The following CCDC146 variants were observed in gnomAD, a reference collection of about 807,000 sequenced individuals.
CCDC146 encodes coiled-coil domain containing 146.
A neutral mutation model predicts 119.3 loss-of-function variants in CCDC146; 92 were observed. The observed-to-expected ratio is 0.77, with a 90% CI of 0.65 to 0.92. The LOEUF (loss-of-function observed/expected upper bound fraction) is 0.92, where lower values mean the gene tolerates loss of function less well. CCDC146 is among the 40% of genes least tolerant of loss of function. The probability of loss-of-function intolerance (pLI) is 0.00; values close to 1 mark genes in which losing one functional copy is unlikely to be tolerated. For missense variants in CCDC146, 1,000 were observed against 1,103.0 expected, an observed-to-expected ratio of 0.91 and a Z score of 1.32; for synonymous variants, 372 against 371.8, an observed-to-expected ratio of 1.00 and a Z score of -0.01.
chr7:77,225,468 G>A (rs1450044826), intron 2 of CCDC146, among the ~76,000 whole-genome samples: 23 of 151,790 alleles, frequency 1.5e-4, no homozygotes, highest in Non-Finnish European at 2.2e-4. Flanking sequence ...CAGGAGTATC[G>A]CTTGAGCCAC....
intron 17 of CCDC146, among the ~76,000 whole-genome samples, chr7:77,292,672 A>T (rs907754171): frequency 1.3e-5 from 2 of 151,944 alleles, no homozygotes; most frequent in African/African-American, 4.8e-5. Context: ...CCTCTTAAAA[A>T]TGGGCACTAA....
At chr7:77,257,577 G>C (rs983000105) in intron 6 of CCDC146, among the ~76,000 whole-genome samples, 6 of 152,144 alleles carry the variant, frequency 3.9e-5, no homozygotes, top group African/African-American at 1.4e-4. Context: ...GTTAGCATTT[G>C]TAATTGTTTA....
At chr7:77,199,892 G>A in intron 2 of CCDC146, 1 of 1,410,500 alleles carries the variant, frequency 7.1e-7, no homozygotes, top group Non-Finnish European at 9.5e-7. Context: ...CCCAGGAAAG[G>A]GTGGGAGCGT....
At chr7:77,163,494 C>G (rs1310270642) in intron 1 of CCDC146, among the ~76,000 whole-genome samples, 1 of 151,898 alleles carries the variant, frequency 6.6e-6, no homozygotes, top group Non-Finnish European at 1.5e-5. Flanking sequence ...TAAATAGATG[C>G]ACTATACTTT....
chr7:77,198,070 C>A, intron 2 of CCDC146: 1 of 920,998 alleles, frequency 1.1e-6, no homozygotes, highest in Non-Finnish European at 1.3e-6. Context: ...GTCTTCATAT[C>A]ATGACAAGTT....
intron 9 of CCDC146, among the ~76,000 whole-genome samples, chr7:77,267,493 C>G (rs899569559): frequency 9.3e-5 from 14 of 151,080 alleles, no homozygotes; most frequent in Non-Finnish European, 1.9e-4. Flanking sequence ...GCTTATGATG[C>G]TGCTACTTGA....
chr7:77,147,859 G>A (rs996444543), intron 1 of CCDC146, among the ~76,000 whole-genome samples: 1 of 152,214 alleles, frequency 6.6e-6, no homozygotes, highest in African/African-American at 2.4e-5. Flanking sequence ...CGGAGGTCAG[G>A]GACCCACTTG....
In CCDC146 at chr7:77,196,362, C is replaced by G; in HGVS notation, c.156+28538C>G. The G allele has an allele frequency of 1.9e-6, 3 of 1,614,138 alleles. No homozygotes were observed. The highest frequency in any genetic ancestry group is 1.7e-6 in the Non-Finnish European group (2 of 1,180,008). On this transcript the variant is annotated intron_variant, in intron 2 of 18. Transcript: ENST00000285871. This position sits in a 1 kb window ranked among gnomAD's most constrained non-coding sequence, Gnocchi z 4.2. Reference sequence around the variant, plus strand: ...TAGCCACCAGGGTGTGCCTCACTTACACCAGGCCAGGTACCCCAGAAAATC... The same window carrying G: ...TAGCCACCAGGGTGTGCCTCACTTAGACCAGGCCAGGTACCCCAGAAAATC...
rs1164760368 is a variant in CCDC146 at position 77,273,804 on chromosome 7, T to C, written c.1269+15T>C. 6.6e-7 allele frequency: 1 copy of C among 1,513,774 alleles called. No homozygotes were observed. The highest frequency in any genetic ancestry group is 9.2e-7 in the Non-Finnish European group (1 of 1,091,684). 93.8% of individuals were successfully genotyped at this position (1,513,774 alleles called of 1,614,324 possible). ...TGGCCCAACAGGTTAATATCAATGC[T>C]CATTTAAGCTTCTATCTAAGAAGCG... is the stretch of plus-strand genomic sequence containing the variant. On this transcript the variant is annotated intron_variant, in intron 10 of 18. Transcript: ENST00000285871.
chr7:77,156,262 C>T (rs1021503879), intron 1 of CCDC146, among the ~76,000 whole-genome samples: 6 of 152,082 alleles, frequency 3.9e-5, no homozygotes, highest in Admixed American at 2.6e-4. Context: ...GCTATTTGTG[C>T]GTTTGTGTGG....
rs532715981 is a variant in CCDC146 at position 77,157,255 on chromosome 7, A to G, written c.-11-10403A>G. Among the ~76,000 whole-genome samples, 176 of 117,222 alleles carry G rather than the reference A, an allele frequency of 1.5e-3. 1 individual carries two copies. Among genetic ancestry groups the G allele is most frequent in the African/African-American group, 5.6e-3 (158 of 28,160 alleles). The allele number at this position is 117,222 out of a possible 152,430, so 76.9% of individuals were successfully genotyped here. A position where few individuals can be genotyped will look rare whatever the true frequency, so the allele number is the denominator to read the frequency against. ...AATAAATCATGTTCAACTTTACATT[A>G]CACCCTGCTGTTTCTAAAATGAGCA... On this transcript the variant is annotated intron_variant, in intron 1 of 18. Transcript: ENST00000285871.
At chr7:77,262,010 C>G in intron 8 of CCDC146, 111 bp from the exon 9 acceptor site, 1 of 840,524 alleles carries the variant, frequency 1.2e-6, no homozygotes, top group African/African-American at 1.7e-5. Flanking sequence ...TAGGTCTTTG[C>G]CAGAAGAGAT....
chr7:77,286,651 G>C, intron 15 of CCDC146, 147 bp from the exon 16 acceptor site: 1 of 703,898 alleles, frequency 1.4e-6, no homozygotes, highest in South Asian at 1.8e-5. Flanking sequence ...CCAGGTCCCA[G>C]CTGATGGGGT....
intron 1 of CCDC146, among the ~76,000 whole-genome samples, chr7:77,160,056 T>G (rs1320977172): frequency 1.3e-5 from 2 of 152,224 alleles, no homozygotes; most frequent in African/African-American, 2.4e-5. Flanking sequence ...TTTTCTCAGG[T>G]TTGTCAAAGA....
intron 1 of CCDC146, among the ~76,000 whole-genome samples, chr7:77,133,652 C>CTTTTTTTT (rs71524906): frequency 1.5e-5 from 2 of 137,830 alleles, no homozygotes; most frequent in African/African-American, 5.5e-5. Flanking sequence ...CCTGGAACAC[C>CTTTTTTTT]TTTTTTTTTT....
At chr7:77,208,871 C>G (rs897881603) in intron 2 of CCDC146, among the ~76,000 whole-genome samples, 1 of 152,194 alleles carries the variant, frequency 6.6e-6, no homozygotes, top group African/African-American at 2.4e-5. Flanking sequence ...CCATGCCCAG[C>G]TAATCTTTTT....
intron 1 of CCDC146, among the ~76,000 whole-genome samples, chr7:77,140,664 C>T (rs1166906699): frequency 6.6e-5 from 10 of 151,982 alleles, no homozygotes; most frequent in East Asian, 3.9e-4. Flanking sequence ...TTTTGAAGGA[C>T]GCATTCAGTC....
chr7:77,126,083 A>C (rs1232530991), intron 1 of CCDC146, among the ~76,000 whole-genome samples: 2 of 152,140 alleles, frequency 1.3e-5, no homozygotes, highest in Non-Finnish European at 2.9e-5. Context: ...ACAATTAGGA[A>C]GTTAGCAGTA....
rs1472732909 is a variant in CCDC146 at position 77,248,417 on chromosome 7, A to G, written c.450-6089A>G. On this transcript the variant is annotated intron_variant, in intron 4 of 18. Transcript: ENST00000285871. ...ACAAAACTGCACTTGTATCCCTTAA[A>G]TGTATACAAATGAGAAAACCTGGTG... 1.3e-4 allele frequency among the ~76,000 whole-genome samples: 20 copies of G among 152,360 alleles called. No homozygotes were observed. The East Asian group carries it at 3.8e-3, about 29-fold the overall frequency.
Sources: gnomAD v4.1 joint callset for allele counts (sites outside exome capture counted in the v4.1 genomes callset) on GRCh38, gnomAD v4.1.1 for gene constraint, Gnocchi (gnomAD v3.1) non-coding constraint, MANE v1.5 for transcripts, NCBI Gene and HGNC (gene_info 2026-07-23, HGNC 2026-07-21) for gene names.